KCTD10: variants seen among roughly 807,000 people sequenced by gnomAD.
KCTD10 encodes BTB/POZ domain-containing adapter for CUL3-mediated RhoA degradation protein 3.
In KCTD10, 13 loss-of-function variants were observed where a neutral mutation model predicts 34.6. That is an observed-to-expected ratio of 0.38 (90% confidence interval 0.24 to 0.60). The LOEUF (loss-of-function observed/expected upper bound fraction) is 0.60, where lower values mean the gene tolerates loss of function less well. KCTD10 is among the 20% of genes least tolerant of loss of function. The pLI is 0.66. For synonymous variants in KCTD10, 156 were observed against 168.8 expected (o/e 0.92, Z 0.59); for missense variants, 256 against 420.3 (o/e 0.61, Z 3.42).
chr12:109,476,150 TAGTCTCTGAC>T (rs1452105668), intron 1 of KCTD10, among the ~76,000 whole-genome samples: 2 of 152,218 alleles, frequency 1.3e-5, no homozygotes, highest in African/African-American at 4.8e-5. Context: ...TCTGATTCAG[TAGTCTCTGAC>T]AGGGCTTGAA....
chr12:109,462,735 T>G (rs1873398859), intron 2 of KCTD10, among the ~76,000 whole-genome samples: 1 of 152,186 alleles, frequency 6.6e-6, no homozygotes, highest in East Asian at 1.9e-4. Context: ...AGCTCTGATG[T>G]TCCATGCAAT....
intron 1 of KCTD10, among the ~76,000 whole-genome samples, chr12:109,472,616 G>A (rs986654206): frequency 6.6e-6 from 1 of 152,112 alleles, no homozygotes; most frequent in African/African-American, 2.4e-5. Flanking sequence ...CGACTATTAT[G>A]TACTGTACAT....
intron 6 of KCTD10, chr12:109,455,610 A>T (rs1023835428): frequency 3.7e-5 from 6 of 161,230 alleles, no homozygotes; most frequent in African/African-American, 1.4e-4. Flanking sequence ...GACCTGCTGC[A>T]TGTCACTGGA....
chr12:109,469,299 G>A (rs1873755842), intron 2 of KCTD10: 1 of 579,872 alleles, frequency 1.7e-6, no homozygotes, highest in Non-Finnish European at 3.0e-6. Flanking sequence ...TGAAGTCACA[G>A]AAGCATGGCA....
intron 2 of KCTD10, among the ~76,000 whole-genome samples, chr12:109,462,544 T>G (rs530578425): frequency 1.3e-5 from 2 of 152,328 alleles, no homozygotes; most frequent in African/African-American, 2.4e-5. Context: ...AAACAAAATA[T>G]GGAATTAATA....
In KCTD10 at chr12:109,449,555, T is replaced by G. The variant is rs1191889994; in HGVS notation, c.*2040A>C. On this transcript the variant is annotated 3_prime_UTR_variant, in exon 7 of 7. Coordinates refer to ENST00000228495, the MANE Select transcript of KCTD10 (RefSeq NM_031954.5). ...GCCTGGCCAACATGGTGAAACCCCA[T>G]CTCTACTAAAAATACAAAATTAGCT... 1 of 152,034 alleles carries G rather than the reference T, an allele frequency of 6.6e-6. No individual in the cohort carries two copies. The highest frequency in any genetic ancestry group is 2.4e-5 in the African/African-American group (1 of 41,364). The allele number at this position is 152,034 out of a possible 1,614,324, so 9.4% of individuals were successfully genotyped here.
At position 109,469,399 on chromosome 12, in the gene KCTD10, C is replaced by T. The variant is rs564400005; in HGVS notation, c.217+116G>A. The T allele has an allele frequency of 3.1e-6, 4 of 1,270,916 alleles. No homozygotes were observed. The South Asian group carries it at 4.4e-5, about 14-fold the overall frequency. The allele number at this position is 1,270,916 out of a possible 1,614,324, so 78.7% of individuals were successfully genotyped here. ...ACCAAGTCAAGATGGTGGGAGTCCC[C>T]AACAAGCTGCCTCCTACACATCTTC... On this transcript the variant is annotated intron_variant, in intron 2 of 6. Coordinates refer to ENST00000228495, the MANE Select transcript of KCTD10 (RefSeq NM_031954.5).
intron 3 of KCTD10, 80 bp from the exon 4 acceptor site, chr12:109,458,158 T>C (rs1873125836): frequency 9.0e-7 from 1 of 1,105,286 alleles, no homozygotes; most frequent in South Asian, 1.3e-5. Context: ...GGACAGGCTC[T>C]GGCGAGGGGA....
Position 109,469,601 on chromosome 12 carries a change from T to C in KCTD10, c.131A>G (p.Tyr44Cys), listed in dbSNP as rs1310692463. ...VKLNVGGALY[Y>C]TTMQTLTKQD... is the part of the protein sequence containing the mutation. ...CTTGGTCAGCGTCTGCATGGTGGTA[T>C]AGTAGAGGGCTCCACCCACATTCAG... The change falls in exon 2 of 7, where the codon TAT becomes TGT. Residue 44 changes from tyrosine (Y) to cysteine (C), a missense_variant. Tyr to Cys is a radical substitution (Grantham distance 194). Around this residue, in one of 3 missense-constraint regions of KCTD10, gnomAD observed 155 missense variants for 207.0 expected, o/e 0.75. Transcript: ENST00000228495. 1 of 1,614,058 alleles carries C rather than the reference T, an allele frequency of 6.2e-7. No homozygotes were observed. Among genetic ancestry groups the C allele is most frequent in the Non-Finnish European group, 8.5e-7 (1 of 1,180,038 alleles).
intron 1 of KCTD10, among the ~76,000 whole-genome samples, chr12:109,472,320 C>G (rs1873930648): frequency 6.6e-6 from 1 of 151,804 alleles, no homozygotes; most frequent in South Asian, 2.1e-4. Flanking sequence ...TTATCCAAAA[C>G]TACAAAATAC....
intron 4 of KCTD10, 82 bp from the exon 5 acceptor site, chr12:109,457,764 G>C (rs1052617228): frequency 7.9e-6 from 11 of 1,388,214 alleles, no homozygotes; most frequent in African/African-American, 7.1e-5. Flanking sequence ...TAGGGCTGGG[G>C]CCCTGCCCTG....
chr12:109,456,713 CT>C (rs1873036678), intron 5 of KCTD10: 1 of 223,774 alleles, frequency 4.5e-6, no homozygotes, highest in East Asian at 1.1e-4. Flanking sequence ...TTTTAAAGAT[CT>C]TGAGTAACCT....
At chr12:109,469,193 G>C (rs7316375) in intron 2 of KCTD10, 50,433 of 297,010 alleles carry the variant, frequency 0.17, 4,470 homozygotes, top group African/African-American at 0.19. Context: ...AGCTGAGACT[G>C]AAACCCAGGT....
In KCTD10 at chr12:109,451,830, T is replaced by C; in HGVS notation, c.724-17A>G. The C allele has an allele frequency of 6.2e-7, 1 of 1,601,636 alleles. No homozygotes were observed. Among genetic ancestry groups the C allele is most frequent in the Non-Finnish European group, 8.5e-7 (1 of 1,171,496 alleles). On this transcript the variant is annotated splice_polypyrimidine_tract_variant and intron_variant, in intron 6 of 6. Coordinates refer to ENST00000228495, the MANE Select transcript of KCTD10 (RefSeq NM_031954.5). The surrounding 1 kb of genome is among the most constrained non-coding windows in gnomAD (Gnocchi z 5.0). ...AAACTCCACCTGTGTTCCCACAGTA[T>C]ACAGGGCAGGTAAGTTATGGCCCAC...
rs940491485 is a variant in KCTD10 at position 109,450,592 on chromosome 12, C to G, written c.*1003G>C. 1.8e-5 allele frequency: 7 copies of G among 388,982 alleles called. No homozygotes were observed. Among genetic ancestry groups the G allele is most frequent in the Admixed American group, 4.5e-5 (1 of 22,404 alleles). 24.1% of individuals were successfully genotyped at this position (388,982 alleles called of 1,614,324 possible). A position where few individuals can be genotyped will look rare whatever the true frequency, so the allele number is the denominator to read the frequency against. On this transcript the variant is annotated 3_prime_UTR_variant, in exon 7 of 7. Coordinates refer to ENST00000228495, the MANE Select transcript of KCTD10 (RefSeq NM_031954.5). ...GTGTGAGGGTGTCCCTGCCTGGATGCCAGGCTGGGAGGACAAAGGGTATGG... is the reference window on the plus strand; with the variant it reads ...GTGTGAGGGTGTCCCTGCCTGGATGGCAGGCTGGGAGGACAAAGGGTATGG...
intron 2 of KCTD10, among the ~76,000 whole-genome samples, chr12:109,462,755 C>A (rs1873400842): frequency 6.6e-6 from 1 of 152,162 alleles, no homozygotes; most frequent in Admixed American, 6.5e-5. Flanking sequence ...TGCCAGAAAC[C>A]CAGATTTTTC....
intron 1 of KCTD10, among the ~76,000 whole-genome samples, chr12:109,474,527 C>T (rs11613718): frequency 0.17 from 25,947 of 151,956 alleles, 2,283 homozygotes; most frequent in African/African-American, 0.19. Context: ...GTAATTGGTC[C>T]GGGATGTGGA....
At chr12:109,458,222 G>C in intron 3 of KCTD10, 144 bp from the exon 4 acceptor site, 2 of 630,896 alleles carry the variant, frequency 3.2e-6, no homozygotes, top group Non-Finnish European at 5.6e-6. Context: ...CAGTGAACTA[G>C]ATGGGGGAAG....
intron 2 of KCTD10, among the ~76,000 whole-genome samples, chr12:109,462,960 T>C (rs1990715): frequency 0.049 from 7,463 of 152,174 alleles, 563 homozygotes; most frequent in African/African-American, 0.17. Context: ...GACCGTATTA[T>C]CTTTCTACCA....
Sources: allele counts gnomAD v4.1 joint callset (sites outside exome capture counted in the v4.1 genomes callset), GRCh38; gene constraint gnomAD v4.1.1; regional missense constraint gnomAD v4.1.1; non-coding constraint Gnocchi (gnomAD v3.1); transcripts MANE v1.5; gene names NCBI Gene and HGNC (gene_info 2026-07-23, HGNC 2026-07-21).